RPS6KA2: variants seen among roughly 807,000 people sequenced by gnomAD.
RPS6KA2 encodes ribosomal protein S6 kinase alpha-2.
RPS6KA2 carries 42 observed loss-of-function variants against 91.8 expected under a neutral mutation model. The ratio of observed to expected loss-of-function variants is 0.46; its 90% CI spans 0.36 to 0.59. RPS6KA2 has a LOEUF of 0.59. Among genes scored for constraint, RPS6KA2 ranks in the 20% least tolerant of loss-of-function variants. RPS6KA2 has a pLI of 0.00. For synonymous variants in RPS6KA2, 414 were observed against 393.6 expected (o/e 1.05, Z -0.61); for missense variants, 798 against 978.5 (o/e 0.82, Z 2.46).
At chr6:166,788,129 C>A (rs1362739788) in intron 2 of RPS6KA2, among the ~76,000 whole-genome samples, 4 of 152,134 alleles carry the variant, frequency 2.6e-5, no homozygotes, top group Non-Finnish European at 5.9e-5. Context: ...ATCAAAACCA[C>A]AATGAGATAC....
chr6:166,571,556 T>A (rs1178762068), intron 1 of RPS6KA2, among the ~76,000 whole-genome samples: 1 of 152,104 alleles, frequency 6.6e-6, no homozygotes, highest in Non-Finnish European at 1.5e-5. Context: ...CACTCCAAAA[T>A]AAACAGTGGT....
At chr6:166,756,578 C>T (rs990078991) in intron 2 of RPS6KA2, among the ~76,000 whole-genome samples, 22 of 152,068 alleles carry the variant, frequency 1.4e-4, no homozygotes, top group Non-Finnish European at 2.1e-4. Flanking sequence ...CTGGGTGTGG[C>T]GGCTCACACC....
At chr6:166,539,249 T>C (rs1440865735) in intron 1 of RPS6KA2, among the ~76,000 whole-genome samples, 1 of 152,174 alleles carries the variant, frequency 6.6e-6, no homozygotes, top group East Asian at 1.9e-4. Context: ...CTTGGTGATG[T>C]GTGTGGTTAT....
intron 2 of RPS6KA2, among the ~76,000 whole-genome samples, chr6:166,758,621 C>T (rs1583086880): frequency 6.6e-6 from 1 of 152,154 alleles, no homozygotes; most frequent in Non-Finnish European, 1.5e-5. Context: ...CCTCTGAAAA[C>T]CTACAGATGC....
At chr6:166,436,570 C>T (rs1004765526) in intron 14 of RPS6KA2, among the ~76,000 whole-genome samples, 1 of 152,224 alleles carries the variant, frequency 6.6e-6, no homozygotes, top group Non-Finnish European at 1.5e-5. Context: ...AGGCCTCGGC[C>T]CGACACTTCT....
upstream of RPS6KA2, among the ~76,000 whole-genome samples, chr6:166,631,811 C>A (rs1376546036): frequency 6.6e-6 from 1 of 152,176 alleles, no homozygotes; most frequent in Non-Finnish European, 1.5e-5. Flanking sequence ...CAGTCATAGA[C>A]ACAGCGGAGC....
chr6:166,459,928 C>T lies in RPS6KA2; in HGVS notation c.973-377G>A, dbSNP rs2128459940. Among the ~76,000 whole-genome samples, 1 of 152,272 alleles carries T rather than the reference C, an allele frequency of 6.6e-6. No individual in the cohort carries two copies. The highest frequency in any genetic ancestry group is 2.1e-4 in the South Asian group (1 of 4,834). On this transcript the variant is annotated intron_variant, in intron 11 of 20. Coordinates refer to ENST00000265678, the MANE Select transcript of RPS6KA2 (RefSeq NM_021135.6). The surrounding 1 kb of genome is among the most constrained non-coding windows in gnomAD (Gnocchi z 4.9). Reference sequence around the variant, plus strand: ...TCATACAGGACAGCCACCACTTGCCCCCACTGGGGACAGCAGTGAAGAGGC... The same window carrying T: ...TCATACAGGACAGCCACCACTTGCCTCCACTGGGGACAGCAGTGAAGAGGC...
At chr6:166,595,644 C>A (rs939448593) in intron 1 of RPS6KA2, among the ~76,000 whole-genome samples, 8 of 152,178 alleles carry the variant, frequency 5.3e-5, no homozygotes, top group African/African-American at 1.7e-4. Flanking sequence ...GAATCTCAGC[C>A]CCTCAGTGAT....
chr6:166,518,594 C>T (rs1034433999), intron 3 of RPS6KA2, among the ~76,000 whole-genome samples: 14 of 152,224 alleles, frequency 9.2e-5, no homozygotes, highest in South Asian at 8.3e-4. Context: ...GCAGGGAAGA[C>T]GTTTTTATAA....
intron 11 of RPS6KA2, among the ~76,000 whole-genome samples, chr6:166,469,326 GT>G (rs60876703): frequency 1.2e-3 from 164 of 137,730 alleles, no homozygotes; most frequent in Non-Finnish European, 1.3e-3. Context: ...CGGCACTGTT[GT>G]TTTTTTTTTT....
intron 2 of RPS6KA2, among the ~76,000 whole-genome samples, chr6:166,728,482 T>G (rs969091518): frequency 1.3e-5 from 2 of 152,156 alleles, no homozygotes; most frequent in Non-Finnish European, 2.9e-5. Flanking sequence ...CTCTTCCAGT[T>G]TGGGCCCCTT....
At chr6:166,705,168 T>C (rs1789643806) in intron 2 of RPS6KA2, among the ~76,000 whole-genome samples, 1 of 152,224 alleles carries the variant, frequency 6.6e-6, no homozygotes, top group Admixed American at 6.5e-5. Context: ...AACATGTCAA[T>C]ACCTCTTGCA....
At position 166,852,434 on chromosome 6, in the gene RPS6KA2, G is replaced by C. The variant is rs941568189; in HGVS notation, c.123+5766C>G. ...ACCAGTTTAGATTGTTTTTCTTTCTGTTTTTTTATGAGGAACAATGGAATT... is the reference window on the plus strand; with the variant it reads ...ACCAGTTTAGATTGTTTTTCTTTCTCTTTTTTTATGAGGAACAATGGAATT... On this transcript the variant is annotated intron_variant, in intron 2 of 21. Transcript: ENST00000503859. This position sits in a 1 kb window ranked among gnomAD's most constrained non-coding sequence, Gnocchi z 4.1. 6.6e-6 allele frequency among the ~76,000 whole-genome samples: 1 copy of C among 152,080 alleles called. No homozygotes were observed. Among genetic ancestry groups the C allele is most frequent in the Non-Finnish European group, 1.5e-5 (1 of 68,020 alleles).
intron 1 of RPS6KA2, among the ~76,000 whole-genome samples, chr6:166,595,476 C>T (rs1785506660): frequency 6.6e-6 from 1 of 152,266 alleles, no homozygotes; most frequent in Admixed American, 6.5e-5. Context: ...CCTCCACCCG[C>T]ACAGACTGCG....
At chr6:166,756,423 T>G (rs1778012933) in intron 2 of RPS6KA2, among the ~76,000 whole-genome samples, 3 of 152,260 alleles carry the variant, frequency 2.0e-5, no homozygotes, top group Non-Finnish European at 4.4e-5. Flanking sequence ...TAAAAAGAAT[T>G]ACATGAGTTA....
chr6:166,627,015 T>G lies in RPS6KA2; in HGVS notation c.5A>C (p.Asp2Ala). The change falls in exon 1 of 21, where the codon GAC becomes GCC. Residue 2 changes from aspartate (D) to alanine (A), a missense_variant. Physicochemically the swap from Asp to Ala is moderately radical, Grantham distance 126. Coordinates refer to ENST00000265678, the MANE Select transcript of RPS6KA2 (RefSeq NM_021135.6). M[D>A]LSMKKFAVRR... Reference sequence around the variant, plus strand: ...CACGGCGAACTTCTTCATGCTCAGGTCCATCGCCCCGCGCCCAGCCCGGAG... The same window carrying G: ...CACGGCGAACTTCTTCATGCTCAGGGCCATCGCCCCGCGCCCAGCCCGGAG... The G allele has an allele frequency of 6.6e-7, 1 of 1,506,132 alleles. No homozygotes were observed. Among genetic ancestry groups the G allele is most frequent in the South Asian group, 1.3e-5 (1 of 78,906 alleles). The allele number at this position is 1,506,132 out of a possible 1,614,324, so 93.3% of individuals were successfully genotyped here. A position where few individuals can be genotyped will look rare whatever the true frequency, so the allele number is the denominator to read the frequency against.
chr6:166,482,618 C>T lies in RPS6KA2; in HGVS notation c.907+6215G>A, dbSNP rs117741775. ...GCCTTGCTTATTCTGGCTGCGATCACAGAAGGCTTCGGGCGATGATGAGGA... is the reference window on the plus strand; with the variant it reads ...GCCTTGCTTATTCTGGCTGCGATCATAGAAGGCTTCGGGCGATGATGAGGA... On this transcript the variant is annotated intron_variant, in intron 10 of 20. Coordinates refer to ENST00000265678, the MANE Select transcript of RPS6KA2 (RefSeq NM_021135.6). Among the ~76,000 whole-genome samples the T allele has an allele frequency of 7.6e-4, 116 of 152,336 alleles. 3 individuals carry two copies. In the East Asian group the frequency reaches 0.019, roughly 26 times the overall value.
intron 1 of RPS6KA2, among the ~76,000 whole-genome samples, chr6:166,545,770 C>G (rs963575017): frequency 6.6e-6 from 1 of 152,164 alleles, no homozygotes; most frequent in Non-Finnish European, 1.5e-5. Context: ...CTTCTCAGCC[C>G]TCAGTCTGCT....
intron 1 of RPS6KA2, among the ~76,000 whole-genome samples, chr6:166,559,540 TATC>T (rs1413392777): frequency 2.0e-5 from 3 of 152,212 alleles, no homozygotes; most frequent in African/African-American, 7.2e-5. Flanking sequence ...TAAATTACTG[TATC>T]ATATGTCCAA....
Sources: gnomAD v4.1 joint callset for allele counts (sites outside exome capture counted in the v4.1 genomes callset) on GRCh38, gnomAD v4.1.1 for gene constraint, Gnocchi (gnomAD v3.1) non-coding constraint, MANE v1.5 for transcripts, NCBI Gene and HGNC (gene_info 2026-07-23, HGNC 2026-07-21) for gene names.